SLC6A15: variants seen among roughly 807,000 people sequenced by gnomAD.
SLC6A15 encodes sodium-dependent neutral amino acid transporter B(0)AT2.
A neutral mutation model predicts 68.5 loss-of-function variants in SLC6A15; 33 were observed. The ratio of observed to expected loss-of-function variants is 0.48; its 90% CI spans 0.37 to 0.64. The LOEUF is 0.64. Among genes scored for constraint, SLC6A15 ranks in the 30% least tolerant of loss-of-function variants. The pLI is 0.00. For synonymous variants in SLC6A15, 347 were observed against 301.0 expected (o/e 1.15, Z -1.58); for missense variants, 747 against 874.3 (o/e 0.85, Z 1.84).
At chr12:84,875,665 T>C (rs1248884134) in intron 6 of SLC6A15, among the ~76,000 whole-genome samples, 1 of 908 alleles carries the variant, frequency 1.1e-3, no homozygotes, top group Non-Finnish European at 2.5e-3. Context: ...TATATATATA[T>C]ATATATATAT....
At chr12:84,899,528 C>A (rs1181522192) in intron 1 of SLC6A15, among the ~76,000 whole-genome samples, 4 of 152,254 alleles carry the variant, frequency 2.6e-5, no homozygotes, top group African/African-American at 7.2e-5. Flanking sequence ...TTCATTCTTT[C>A]CTTTTTCCAT....
intron 1 of SLC6A15, among the ~76,000 whole-genome samples, chr12:84,901,112 T>C (rs1428608220): frequency 6.6e-6 from 1 of 150,918 alleles, no homozygotes; most frequent in East Asian, 1.9e-4. Flanking sequence ...GCTTCTCTGG[T>C]TTTGGTGGTG....
chr12:84,883,402 A>G lies in SLC6A15; in HGVS notation c.756+457T>C, dbSNP rs557433856. 116 of 1,033,392 alleles carry G rather than the reference A, an allele frequency of 1.1e-4. No individual in the cohort carries two copies. The African/African-American group carries it at 1.8e-3, about 16-fold the overall frequency. The allele number at this position is 1,033,392 out of a possible 1,614,324, so 64.0% of individuals were successfully genotyped here. On this transcript the variant is annotated intron_variant, in intron 5 of 11. Transcript: ENST00000266682. ...AGAGCTTTAAGAAACACTTCACATTACATTATTTCAAAATGTCTTATGCAG... is the reference window on the plus strand; with the variant it reads ...AGAGCTTTAAGAAACACTTCACATTGCATTATTTCAAAATGTCTTATGCAG...
At chr12:84,912,144 T>G (rs1873497985) in intron 1 of SLC6A15, 1 of 152,204 alleles carries the variant, frequency 6.6e-6, no homozygotes, top group Non-Finnish European at 1.5e-5. Flanking sequence ...GACTTTCCCG[T>G]GTTGGACCCC....
chr12:84,888,374 G>A (rs1037388768), intron 2 of SLC6A15, among the ~76,000 whole-genome samples: 11 of 151,812 alleles, frequency 7.2e-5, no homozygotes, highest in Non-Finnish European at 1.6e-4. Flanking sequence ...AGTGCCCATC[G>A]ACTAATGAGT....
chr12:84,895,355 TTTTTTTTTTTTTG>T (rs1872597069), intron 1 of SLC6A15, among the ~76,000 whole-genome samples: 1 of 125,712 alleles, frequency 8.0e-6, no homozygotes, highest in African/African-American at 3.3e-5. Flanking sequence ...TTTTTTTTTT[TTTTTTTTTTTTTG>T]AGATGGAGTC....
In SLC6A15 at chr12:84,897,167, C is replaced by T. The variant is rs562641654; in HGVS notation, c.-188-4859G>A. Among the ~76,000 whole-genome samples the T allele has an allele frequency of 5.9e-5, 9 of 151,984 alleles. No individual in the cohort carries two copies. The East Asian group carries it at 1.7e-3, about 29-fold the overall frequency. On this transcript the variant is annotated intron_variant, in intron 1 of 11. Coordinates refer to ENST00000266682, the MANE Select transcript of SLC6A15 (RefSeq NM_182767.6). ...GTTGCAGAGATCATACCACTGCATT[C>T]CAGCCTGAGTGACGGAGCAAGACCG... is the stretch of plus-strand genomic sequence containing the variant.
At chr12:84,883,170 T>G (rs898402026) in intron 5 of SLC6A15, 3 of 944,642 alleles carry the variant, frequency 3.2e-6, no homozygotes, top group Non-Finnish European at 3.8e-6. Context: ...AAAAAAAAAG[T>G]AATACGAAAG....
chr12:84,885,351 A>T, intron 4 of SLC6A15, 84 bp downstream of exon 4: 1 of 1,281,990 alleles, frequency 7.8e-7, no homozygotes, highest in Non-Finnish European at 1.0e-6. Context: ...ACATTATTTT[A>T]AAAAGAAAAA....
At chr12:84,897,453 A>G (rs1872678325) in intron 1 of SLC6A15, among the ~76,000 whole-genome samples, 2 of 152,116 alleles carry the variant, frequency 1.3e-5, no homozygotes, top group Non-Finnish European at 2.9e-5. Flanking sequence ...ACAAAATACT[A>G]AAAGAAAAGC....
chr12:84,890,031 G>C (rs1185237067), intron 2 of SLC6A15, among the ~76,000 whole-genome samples: 2 of 152,030 alleles, frequency 1.3e-5, no homozygotes, highest in Non-Finnish European at 1.5e-5. Flanking sequence ...ACTATCTTCT[G>C]GTTGTTTAGT....
At chr12:84,863,196 A>G (rs1052906470) in intron 11 of SLC6A15, among the ~76,000 whole-genome samples, 1 of 152,160 alleles carries the variant, frequency 6.6e-6, no homozygotes, top group Non-Finnish European at 1.5e-5. Flanking sequence ...CAGTGTTAAG[A>G]TGGATATATC....
At chr12:84,879,048 C>A (rs1410490876) in intron 5 of SLC6A15, among the ~76,000 whole-genome samples, 1 of 151,894 alleles carries the variant, frequency 6.6e-6, no homozygotes, top group Non-Finnish European at 1.5e-5. Context: ...AACAGCCCAT[C>A]ATTTTACAAG....
In SLC6A15 at chr12:84,861,779, C is replaced by A. The variant is rs564047485; in HGVS notation, c.2046G>T (p.Pro682=). 1 of 1,613,972 alleles carries A rather than the reference C, an allele frequency of 6.2e-7. No homozygotes were observed. The highest frequency in any genetic ancestry group is 8.5e-7 in the Non-Finnish European group (1 of 1,179,940). ...CAAAATTTGGAGATGGCATCTCGCT[C>A]GGTATTTTTCCGTGAATGAGGCTTG... is the stretch of plus-strand genomic sequence containing the variant. ...DDTSLIHGKI[P]SEMPSPNFGK... is the part of the protein sequence containing the mutation. The change falls in exon 12 of 12, where the codon CCG becomes CCT. Residue 682 remains proline, a synonymous_variant. Coordinates refer to ENST00000266682, the MANE Select transcript of SLC6A15 (RefSeq NM_182767.6).
intron 2 of SLC6A15, among the ~76,000 whole-genome samples, chr12:84,889,539 A>T (rs1267701721): frequency 1.5e-5 from 2 of 134,438 alleles, no homozygotes; most frequent in Non-Finnish European, 3.3e-5. Context: ...AAAATAAAAA[A>T]AACAGTTTTC....
At chr12:84,879,001 T>G (rs1871692289) in intron 5 of SLC6A15, among the ~76,000 whole-genome samples, 1 of 152,018 alleles carries the variant, frequency 6.6e-6, no homozygotes, top group African/African-American at 2.4e-5. Context: ...CACTGAACTA[T>G]TAAAAATCCT....
intron 5 of SLC6A15, chr12:84,881,831 C>T: frequency 6.1e-6 from 6 of 982,568 alleles, no homozygotes; most frequent in South Asian, 4.7e-5. Flanking sequence ...TTATATTTAA[C>T]TCATTGTTTC....
At position 84,861,343 on chromosome 12, in the gene SLC6A15, T is replaced by C. The variant is rs952980400; in HGVS notation, c.*289A>G. 1.2e-5 allele frequency: 3 copies of C among 257,748 alleles called. No individual in the cohort carries two copies. The highest frequency in any genetic ancestry group is 2.2e-5 in the Non-Finnish European group (3 of 135,934). 16.0% of individuals were successfully genotyped at this position (257,748 alleles called of 1,614,324 possible). On this transcript the variant is annotated 3_prime_UTR_variant, in exon 12 of 12. Transcript: ENST00000266682. ...AGAAACTGAGGTAATACCATTTTTT[T>C]AAGAGATAGAAATATTTGAAAATAC...
rs1356942369 is a variant in SLC6A15 at position 84,861,672 on chromosome 12, A to C, written c.2153T>G (p.Met718Arg). ...TGGCATATCTGGCATAATATCTGCC[A>C]TCAAGTACCCTATTCCATACCGTCC... ...PNGRYGIGYLMADIMPDMPES... is the reference protein window; with the variant it reads ...PNGRYGIGYLRADIMPDMPES... Residue 718 changes from methionine to arginine, a missense_variant, in exon 12 of 12, where the codon ATG (methionine) becomes AGG (arginine). Coordinates refer to ENST00000266682, the MANE Select transcript of SLC6A15 (RefSeq NM_182767.6). The C allele has an allele frequency of 6.2e-7, 1 of 1,609,070 alleles. No individual in the cohort carries two copies. The highest frequency in any genetic ancestry group is 1.7e-5 in the Admixed American group (1 of 59,804).
Sources: allele counts gnomAD v4.1 joint callset (sites outside exome capture counted in the v4.1 genomes callset), GRCh38; gene constraint gnomAD v4.1.1; transcripts MANE v1.5; gene names NCBI Gene and HGNC (gene_info 2026-07-23, HGNC 2026-07-21).